The following SCFD2 variants were observed in gnomAD, a reference collection of about 807,000 sequenced individuals.
SCFD2 encodes the protein sec1 family domain-containing protein 2.
In SCFD2, 54 loss-of-function variants were observed where a neutral mutation model predicts 58.9. The observed-to-expected ratio is 0.92, with a 90% confidence interval of 0.74 to 1.15. The LOEUF is 1.15. SCFD2 is among the 50% of genes most tolerant of loss of function. The probability of loss-of-function intolerance (pLI) is 0.00; values close to 1 mark genes in which losing one functional copy is unlikely to be tolerated. For synonymous variants in SCFD2, 321 were observed against 335.9 expected, an observed-to-expected ratio of 0.96 and a Z score of 0.49; for missense variants, 805 against 836.6, an observed-to-expected ratio of 0.96 and a Z score of 0.47.
At chr4:53,170,628 T>C (rs1381056000) in intron 4 of SCFD2, among the ~76,000 whole-genome samples, 3 of 152,212 alleles carry the variant, frequency 2.0e-5, no homozygotes, top group Non-Finnish European at 4.4e-5. Flanking sequence ...TTGGGTCATA[T>C]GAACATTTTA....
chr4:53,152,024 C>T (rs1406846990), intron 4 of SCFD2, among the ~76,000 whole-genome samples: 1 of 152,114 alleles, frequency 6.6e-6, no homozygotes, highest in Non-Finnish European at 1.5e-5. Flanking sequence ...AGGGATCTAC[C>T]CCCATAACCC....
chr4:53,350,906 C>T (rs1287554053), intron 2 of SCFD2, among the ~76,000 whole-genome samples: 1 of 152,128 alleles, frequency 6.6e-6, no homozygotes, highest in Non-Finnish European at 1.5e-5. Context: ...GACAGGGTTT[C>T]ACCACGTTGG....
At chr4:53,159,861 T>C (rs1219073497) in intron 4 of SCFD2, among the ~76,000 whole-genome samples, 1 of 152,180 alleles carries the variant, frequency 6.6e-6, no homozygotes, top group Non-Finnish European at 1.5e-5. Context: ...GAACCCAGTA[T>C]ATGCTGTGCA....
intron 5 of SCFD2, among the ~76,000 whole-genome samples, chr4:53,138,819 T>C (rs1210920986): frequency 6.6e-6 from 1 of 152,130 alleles, no homozygotes; most frequent in Non-Finnish European, 1.5e-5. Flanking sequence ...CTGTCAAAAG[T>C]AAACTACATA....
intron 4 of SCFD2, among the ~76,000 whole-genome samples, chr4:53,233,905 A>C (rs1263236038): frequency 6.6e-6 from 1 of 152,180 alleles, no homozygotes; most frequent in Non-Finnish European, 1.5e-5. Flanking sequence ...TAAAAATTTA[A>C]CGTGAATGCC....
chr4:53,047,086 A>G (rs1723059594), intron 5 of SCFD2, among the ~76,000 whole-genome samples: 1 of 152,200 alleles, frequency 6.6e-6, no homozygotes, highest in Non-Finnish European at 1.5e-5. Context: ...AAATTGTTCT[A>G]TAACTTAAAG....
Position 53,140,412 on chromosome 4 carries a change from T to TATATATATATATAA in SCFD2, c.1561+4920_1561+4921insTTATATATATATAT, listed in dbSNP as rs1560353891. 7.7e-5 allele frequency among the ~76,000 whole-genome samples: 11 copies of TATATATATATATAA among 143,526 alleles called. 1 individual carries two copies. Among genetic ancestry groups the TATATATATATATAA allele is most frequent in the Non-Finnish European group, 1.4e-4 (9 of 66,002 alleles). 94.2% of individuals were successfully genotyped at this position (143,526 alleles called of 152,430 possible). A position where few individuals can be genotyped will look rare whatever the true frequency, so the allele number is the denominator to read the frequency against. ...ATGCTAATATATATATATATATATA[T>TATATATATATATAA]AAATTTTAATCCACAGGGCAATCAC... On this transcript the variant is annotated intron_variant, in intron 5 of 8. Transcript: ENST00000401642.
At position 52,991,786 on chromosome 4, in the gene SCFD2, G is replaced by A. The variant is rs569174835; in HGVS notation, c.1562-70916C>T. On this transcript the variant is annotated intron_variant, in intron 5 of 8. Coordinates refer to ENST00000401642, the MANE Select transcript of SCFD2 (RefSeq NM_152540.4). ...CTGTAGCTGTGGAAATGGGAGGCCT[G>A]TGTAGTAAGGAAGCCATTCTGCCAT... Among the ~76,000 whole-genome samples, 13 of 152,278 alleles carry A rather than the reference G, an allele frequency of 8.5e-5. 1 individual carries two copies. In the South Asian group the frequency reaches 1.9e-3, roughly 22 times the overall value.
chr4:52,972,402 G>A (rs1022455467), intron 5 of SCFD2, among the ~76,000 whole-genome samples: 3 of 152,100 alleles, frequency 2.0e-5, no homozygotes, highest in African/African-American at 7.2e-5. Context: ...AAGCAACAAA[G>A]ATCAAAAGAG....
intron 4 of SCFD2, among the ~76,000 whole-genome samples, chr4:53,220,319 A>T (rs1399100799): frequency 6.6e-6 from 1 of 152,210 alleles, no homozygotes; most frequent in Non-Finnish European, 1.5e-5. Flanking sequence ...ATACCTATTA[A>T]TCCTGACATG....
intron 5 of SCFD2, among the ~76,000 whole-genome samples, chr4:53,036,267 T>C (rs1383312414): frequency 2.6e-5 from 4 of 151,526 alleles, no homozygotes; most frequent in Non-Finnish European, 4.4e-5. Flanking sequence ...TGTCCATGTG[T>C]TCTCATTACT....
At chr4:53,306,324 T>G (rs1173492776) in intron 3 of SCFD2, among the ~76,000 whole-genome samples, 1 of 151,878 alleles carries the variant, frequency 6.6e-6, no homozygotes, top group Non-Finnish European at 1.5e-5. Flanking sequence ...AAACTAGAAG[T>G]AACAGAAGGC....
intron 4 of SCFD2, among the ~76,000 whole-genome samples, chr4:53,184,968 C>T (rs141612983): frequency 4.1e-4 from 62 of 151,994 alleles, no homozygotes; most frequent in Non-Finnish European, 7.4e-4. Flanking sequence ...AGGGAAAAAG[C>T]ATTTAGAAAA....
intron 5 of SCFD2, among the ~76,000 whole-genome samples, chr4:53,136,413 T>C (rs1425599520): frequency 1.3e-5 from 2 of 152,226 alleles, no homozygotes; most frequent in East Asian, 3.8e-4. Flanking sequence ...AATAATATTA[T>C]GCCTTATGAC....
intron 4 of SCFD2, among the ~76,000 whole-genome samples, chr4:53,233,056 G>A (rs2412403): frequency 0.54 from 81,769 of 151,992 alleles, 22,206 homozygotes; most frequent in Middle Eastern, 0.62. Flanking sequence ...GCCAGCCTAG[G>A]CATAGGCTTC....
chr4:53,311,053 T>C (rs1732673914), intron 3 of SCFD2, among the ~76,000 whole-genome samples: 1 of 152,210 alleles, frequency 6.6e-6, no homozygotes, highest in South Asian at 2.1e-4. Context: ...TTTTCAAAAA[T>C]CAATGTTTTA....
At chr4:52,904,200 A>G (rs575112835) in intron 7 of SCFD2, among the ~76,000 whole-genome samples, 1 of 152,352 alleles carries the variant, frequency 6.6e-6, no homozygotes, top group Non-Finnish European at 1.5e-5. Context: ...CAGGAACAGG[A>G]CAGAGATGGA....
chr4:52,883,793 G>T (rs535690253), intron 8 of SCFD2, among the ~76,000 whole-genome samples: 1 of 152,300 alleles, frequency 6.6e-6, no homozygotes, highest in African/African-American at 2.4e-5. Flanking sequence ...GGCAGGGAGG[G>T]TGTTAAATGA....
intron 4 of SCFD2, among the ~76,000 whole-genome samples, chr4:53,231,769 TCTCA>T (rs1729447328): frequency 6.6e-6 from 1 of 152,048 alleles, no homozygotes; most frequent in African/African-American, 2.4e-5. Context: ...CTTTTCTTTT[TCTCA>T]CTAAGGCTAT....
Sources: allele counts gnomAD v4.1 joint callset (sites outside exome capture counted in the v4.1 genomes callset), GRCh38; gene constraint gnomAD v4.1.1; transcripts MANE v1.5; gene names NCBI Gene and HGNC (gene_info 2026-07-23, HGNC 2026-07-21).